The following DENND1A variants were observed in gnomAD, a reference collection of about 807,000 sequenced individuals.
DENND1A encodes the protein DENN domain containing 1A, also known as DENN domain-containing protein 1A.
Under a neutral mutation model 113.7 loss-of-function variants are expected in DENND1A, and 51 were observed. The ratio of observed to expected loss-of-function variants is 0.45; its 90% CI spans 0.36 to 0.57. The LOEUF is 0.57. Among genes scored for constraint, DENND1A ranks in the 20% least tolerant of loss-of-function variants. DENND1A has a pLI of 0.00. For synonymous variants in DENND1A, 565 were observed against 570.8 expected (o/e 0.99, Z 0.14); for missense variants, 1,258 against 1,395.9 (o/e 0.90, Z 1.57).
At chr9:123,617,397 C>T (rs1234168845) in intron 10 of DENND1A, among the ~76,000 whole-genome samples, 7 of 152,140 alleles carry the variant, frequency 4.6e-5, no homozygotes, top group South Asian at 2.1e-4. Context: ...ATGCAAGACA[C>T]GTGTATCACT....
At chr9:123,482,851 TGA>T (rs1290979265) in intron 13 of DENND1A, among the ~76,000 whole-genome samples, 1 of 151,716 alleles carries the variant, frequency 6.6e-6, no homozygotes, top group East Asian at 1.9e-4. Context: ...CCAGGGGAAA[TGA>T]GAGAGGCTGG....
chr9:123,683,624 A>G (rs562824307), intron 5 of DENND1A, among the ~76,000 whole-genome samples: 33 of 152,240 alleles, frequency 2.2e-4, no homozygotes, highest in Middle Eastern at 6.8e-3. Flanking sequence ...ATTTAAATTG[A>G]TGCATTTTAT....
intron 5 of DENND1A, among the ~76,000 whole-genome samples, chr9:123,716,954 TTTTAAG>T: frequency 6.6e-6 from 1 of 152,210 alleles, no homozygotes; most frequent in Non-Finnish European, 1.5e-5. Context: ...CTAATCTAGT[TTTTAAG>T]TTTGATACTA....
intron 13 of DENND1A, among the ~76,000 whole-genome samples, chr9:123,460,675 C>T (rs529254925): frequency 5.9e-5 from 9 of 152,358 alleles, no homozygotes; most frequent in South Asian, 4.1e-4. Context: ...TCTCCATCTA[C>T]GCCTACCTTG....
rs57555620 is a variant in DENND1A, at chr9:123,884,997, GCACACACACA to G, written c.18-5986_18-5977del. Among the ~76,000 whole-genome samples, 963 of 145,946 alleles carry G rather than the reference GCACACACACA, an allele frequency of 6.6e-3. 5 individuals are homozygous for G. Among genetic ancestry groups the G allele is most frequent in the Middle Eastern group, 0.028 (8 of 282 alleles). ...TCCCACCTGACCTGCGAGCGCGCGC[GCACACACACA>G]CACACACACACACACACACACACTC... On this transcript the variant is annotated intron_variant, in intron 1 of 23. Coordinates refer to ENST00000394215, the MANE Select transcript of DENND1A (RefSeq NM_001352964.2).
intron 21 of DENND1A, among the ~76,000 whole-genome samples, chr9:123,388,627 T>C (rs185502173): frequency 6.6e-6 from 1 of 152,320 alleles, no homozygotes; most frequent in Admixed American, 6.5e-5. Flanking sequence ...TAAATATTCA[T>C]TGTTATAAAA....
At chr9:123,799,288 T>C (rs921201590) in intron 2 of DENND1A, among the ~76,000 whole-genome samples, 1 of 152,234 alleles carries the variant, frequency 6.6e-6, no homozygotes, top group Non-Finnish European at 1.5e-5. Context: ...ATCAAATCAA[T>C]TTTATCATAG....
At chr9:123,640,731 A>G (rs1384464701) in intron 9 of DENND1A, among the ~76,000 whole-genome samples, 1 of 152,234 alleles carries the variant, frequency 6.6e-6, no homozygotes, top group East Asian at 1.9e-4. Context: ...TGGTCACCGG[A>G]TCTTTTTAAC....
intron 3 of DENND1A, among the ~76,000 whole-genome samples, chr9:123,776,042 A>G (rs1385015585): frequency 6.6e-6 from 1 of 152,184 alleles, no homozygotes; most frequent in Non-Finnish European, 1.5e-5. Context: ...CAATCTTCAA[A>G]TATCTCTGAA....
At chr9:123,920,270 A>C (rs1259511896) in intron 1 of DENND1A, among the ~76,000 whole-genome samples, 1 of 152,142 alleles carries the variant, frequency 6.6e-6, no homozygotes, top group Admixed American at 6.5e-5. Flanking sequence ...TCTCTACTAA[A>C]AGTACGAAAA....
chr9:123,685,075 C>T (rs527815973), intron 5 of DENND1A, among the ~76,000 whole-genome samples: 2 of 152,354 alleles, frequency 1.3e-5, no homozygotes, highest in South Asian at 2.1e-4. Context: ...CTGAGCCATG[C>T]TCTTCCTTCC....
At chr9:123,896,344 C>T (rs1227179679) in intron 1 of DENND1A, among the ~76,000 whole-genome samples, 17 of 151,458 alleles carry the variant, frequency 1.1e-4, no homozygotes, top group Non-Finnish European at 4.4e-5. Context: ...AAAAAAAAAC[C>T]CTCAACCCCA....
chr9:123,454,849 C>CTTT (rs764248245), intron 15 of DENND1A, 70 bp from the exon 16 acceptor site: 352 of 1,019,118 alleles, frequency 3.5e-4, no homozygotes, highest in Non-Finnish European at 3.8e-4. Flanking sequence ...CTTAAAATTG[C>CTTT]TTTTTTTTTT....
In DENND1A at chr9:123,607,547, A is replaced by AGTGTGT. The variant is rs555605927; in HGVS notation, c.765+1883_765+1888dup. Among the ~76,000 whole-genome samples the AGTGTGT allele has an allele frequency of 2.6e-4, 18 of 68,094 alleles. No homozygotes were observed. In the East Asian group the frequency reaches 4.4e-3, roughly 17 times the overall value. The allele number at this position is 68,094 out of a possible 152,430, so 44.7% of individuals were successfully genotyped here. A position where few individuals can be genotyped will look rare whatever the true frequency, so the allele number is the denominator to read the frequency against. ...GAGAGAGAGAGAGAGAGAGAGAGAGAGTGTGTGTGTGTGTGTGTGTGTGTG... is the reference window on the plus strand; with the variant it reads ...GAGAGAGAGAGAGAGAGAGAGAGAGAGTGTGTGTGTGTGTGTGTGTGTGTGTGTGTG... On this transcript the variant is annotated intron_variant, in intron 11 of 23. Coordinates refer to ENST00000394215, the MANE Select transcript of DENND1A (RefSeq NM_001352964.2).
chr9:123,848,256 A>C (rs1185650029), intron 2 of DENND1A, among the ~76,000 whole-genome samples: 1 of 140,752 alleles, frequency 7.1e-6, no homozygotes. Context: ...AAAAAAAAAA[A>C]ACAAATTGAA....
intron 13 of DENND1A, among the ~76,000 whole-genome samples, chr9:123,535,911 T>C (rs1478256228): frequency 6.6e-6 from 1 of 152,174 alleles, no homozygotes; most frequent in Non-Finnish European, 1.5e-5. Context: ...ATTTTACCTT[T>C]CCTAGGATTT....
intron 8 of DENND1A, among the ~76,000 whole-genome samples, chr9:123,662,592 T>C (rs901009846): frequency 6.6e-6 from 1 of 152,178 alleles, no homozygotes; most frequent in African/African-American, 2.4e-5. Context: ...TTTTTAGTCA[T>C]GCTAGGTCTA....
intron 22 of DENND1A, among the ~76,000 whole-genome samples, chr9:123,384,924 G>T (rs921233751): frequency 6.6e-6 from 1 of 152,148 alleles, no homozygotes; most frequent in Non-Finnish European, 1.5e-5. Flanking sequence ...CTCCAGCCTA[G>T]GCGACAGAGC....
chr9:123,525,758 CTTTTT>C (rs34055700), intron 13 of DENND1A, among the ~76,000 whole-genome samples: 2 of 129,838 alleles, frequency 1.5e-5, no homozygotes, highest in Admixed American at 8.2e-5. Context: ...TGCAGTCTAC[CTTTTT>C]TTTTTTTTTT....
Sources: allele counts gnomAD v4.1 joint callset (sites outside exome capture counted in the v4.1 genomes callset), GRCh38; gene constraint gnomAD v4.1.1; transcripts MANE v1.5; gene names NCBI Gene and HGNC (gene_info 2026-07-23, HGNC 2026-07-21).